Variants in LINGO2 observed in about 807,000 individuals in gnomAD.
The protein encoded by LINGO2 is leucine rich repeat and Ig domain containing 2, also known as leucine-rich repeat and immunoglobulin-like domain-containing nogo receptor-interacting protein 2.
A neutral mutation model predicts 30.6 loss-of-function variants in LINGO2; 14 were observed. That is an observed-to-expected ratio of 0.46 (90% CI 0.30 to 0.72). LINGO2 has a LOEUF of 0.72. LINGO2 is among the 30% of genes least tolerant of loss of function. The probability of loss-of-function intolerance (pLI) is 0.07; values close to 1 mark genes in which losing one functional copy is unlikely to be tolerated. For synonymous variants in LINGO2, 317 were observed against 288.5 expected (o/e 1.10, Z -1.00); for missense variants, 729 against 751.7 (o/e 0.97, Z 0.35).
chr9:27,945,848 A>T (rs1823344794), downstream of LINGO2, among the ~76,000 whole-genome samples: 1 of 152,150 alleles, frequency 6.6e-6, no homozygotes, highest in Non-Finnish European at 1.5e-5. Context: ...TTAAATGTCT[A>T]TTCAATTACC....
the LINGO2 span, among the ~76,000 whole-genome samples, chr9:29,050,041 T>A: frequency 8.5e-5 from 13 of 152,280 alleles, no homozygotes; most frequent in African/African-American, 3.1e-4. Context: ...ACATTTTTTT[T>A]TTTTGAGACA....
intron 4 of LINGO2, among the ~76,000 whole-genome samples, chr9:28,171,744 C>T (rs946946422): frequency 1.3e-5 from 2 of 151,826 alleles, no homozygotes; most frequent in Admixed American, 6.6e-5. Context: ...TGTGGTGGCT[C>T]GCGCCTGTAA....
At chr9:28,975,478 T>G in the LINGO2 span, among the ~76,000 whole-genome samples, 1 of 152,204 alleles carries the variant, frequency 6.6e-6, no homozygotes, top group East Asian at 1.9e-4. Flanking sequence ...CTGCTATAAC[T>G]TGCCAGTGCC....
At chr9:27,963,601 G>A (rs1380515789) in intron 5 of LINGO2, among the ~76,000 whole-genome samples, 1 of 151,858 alleles carries the variant, frequency 6.6e-6, no homozygotes, top group African/African-American at 2.4e-5. Context: ...ATGAACAAGG[G>A]CACAAAACAA....
At chr9:28,776,471 G>C in the LINGO2 span, among the ~76,000 whole-genome samples, 1 of 152,134 alleles carries the variant, frequency 6.6e-6, no homozygotes, top group Non-Finnish European at 1.5e-5. Flanking sequence ...AATGCAGAAA[G>C]TTTACTCAAA....
the LINGO2 span, among the ~76,000 whole-genome samples, chr9:28,719,793 G>C: frequency 6.6e-6 from 1 of 151,828 alleles, no homozygotes; most frequent in Non-Finnish European, 1.5e-5. Context: ...TTAAATATTA[G>C]AAATCAGCAT....
At chr9:28,311,562 G>A (rs940175497) in intron 3 of LINGO2, among the ~76,000 whole-genome samples, 1 of 152,136 alleles carries the variant, frequency 6.6e-6, no homozygotes, top group African/African-American at 2.4e-5. Context: ...GTTCCTTGCT[G>A]AGAAAAAGAA....
intron 3 of LINGO2, among the ~76,000 whole-genome samples, chr9:28,302,666 G>C (rs1021544914): frequency 7.9e-5 from 12 of 152,138 alleles, no homozygotes; most frequent in African/African-American, 2.7e-4. Flanking sequence ...GTGAGAACCT[G>C]TCTCAAATAT....
chr9:29,068,873 TG>T, the LINGO2 span, among the ~76,000 whole-genome samples: 354 of 152,060 alleles, frequency 2.3e-3, 2 homozygotes, highest in South Asian at 0.01. Flanking sequence ...CACAGATGAT[TG>T]TTTTTTTAAC....
At chr9:28,144,379 A>G (rs1827756545) in intron 4 of LINGO2, among the ~76,000 whole-genome samples, 1 of 152,228 alleles carries the variant, frequency 6.6e-6, no homozygotes. Context: ...CAAGATCTAT[A>G]CTAACCCATT....
the LINGO2 span, among the ~76,000 whole-genome samples, chr9:28,685,691 A>G: frequency 0.025 from 3,785 of 152,246 alleles, 159 homozygotes; most frequent in African/African-American, 0.084. Flanking sequence ...AACTCCTTAC[A>G]GTAAAATTGT....
At chr9:29,032,411 C>G in the LINGO2 span, among the ~76,000 whole-genome samples, 3 of 152,112 alleles carry the variant, frequency 2.0e-5, no homozygotes, top group African/African-American at 7.2e-5. Flanking sequence ...TTTGGAAATT[C>G]AGATAACTAC....
chr9:28,015,209 C>G (rs1822766821), intron 4 of LINGO2, among the ~76,000 whole-genome samples: 1 of 152,124 alleles, frequency 6.6e-6, no homozygotes, highest in South Asian at 2.1e-4. Flanking sequence ...GCTGGGATAA[C>G]AAGTTCCTCT....
At chr9:28,355,265 C>CTG (rs1296794973) in intron 3 of LINGO2, among the ~76,000 whole-genome samples, 1 of 146,454 alleles carries the variant, frequency 6.8e-6, no homozygotes, top group Non-Finnish European at 1.5e-5. Flanking sequence ...GTCTCTGTCT[C>CTG]TCTCTCTGTC....
At chr9:28,738,981 GT>G in the LINGO2 span, among the ~76,000 whole-genome samples, 3 of 151,906 alleles carry the variant, frequency 2.0e-5, no homozygotes, top group African/African-American at 7.2e-5. Flanking sequence ...CTCAAATTGC[GT>G]TTTGTCAATT....
At chr9:28,165,682 A>G (rs546196368) in intron 4 of LINGO2, among the ~76,000 whole-genome samples, 4 of 152,292 alleles carry the variant, frequency 2.6e-5, no homozygotes, top group South Asian at 2.1e-4. Context: ...TTGAGCTGGT[A>G]TATTTCCCTC....
intron 4 of LINGO2, among the ~76,000 whole-genome samples, chr9:28,181,090 T>C (rs1245194867): frequency 6.6e-6 from 1 of 152,102 alleles, no homozygotes; most frequent in East Asian, 1.9e-4. Flanking sequence ...GGGTAAGCTG[T>C]TACAGCTGGC....
the LINGO2 span, among the ~76,000 whole-genome samples, chr9:29,070,328 T>C: frequency 8.5e-5 from 13 of 152,236 alleles, no homozygotes; most frequent in Non-Finnish European, 1.6e-4. Flanking sequence ...ATGACGGAAT[T>C]GGGTGGAACA....
At chr9:28,561,520 T>TTTA (rs1168724392) in intron 1 of LINGO2, among the ~76,000 whole-genome samples, 1 of 148,496 alleles carries the variant, frequency 6.7e-6, no homozygotes, top group East Asian at 2.0e-4. Flanking sequence ...TTTTAAATAT[T>TTTA]TTATATCTAT....
Sources: allele counts gnomAD v4.1 joint callset (sites outside exome capture counted in the v4.1 genomes callset), GRCh38; gene constraint gnomAD v4.1.1; transcripts MANE v1.5; gene names NCBI Gene and HGNC (gene_info 2026-07-23, HGNC 2026-07-21).